SEC14L5: variants seen among roughly 807,000 people sequenced by gnomAD.
SEC14L5 encodes SEC14 like lipid binding 5.
A neutral mutation model predicts 84.6 loss-of-function variants in SEC14L5; 96 were observed. That is an observed-to-expected ratio of 1.13 (90% CI 0.96 to 1.34). The LOEUF (loss-of-function observed/expected upper bound fraction) is 1.34, where lower values mean the gene tolerates loss of function less well. Ranked by LOEUF, SEC14L5 falls within the 40% of genes most tolerant of loss-of-function variation. SEC14L5 has a pLI of 0.00. For synonymous variants in SEC14L5, 546 were observed against 383.4 expected, an observed-to-expected ratio of 1.42 and a Z score of -4.95; for missense variants, 1,224 against 942.5, an observed-to-expected ratio of 1.30 and a Z score of -3.91.
chr16:4,958,500 C>A (rs917000297), intron 1 of SEC14L5, 55 bp downstream of exon 1: 1 of 152,758 alleles, frequency 6.5e-6, no homozygotes, highest in Non-Finnish European at 1.5e-5. Context: ...CCGAGCCAGG[C>A]GGGCTTCCAG....
At chr16:4,990,560 A>G (rs1157182029) in intron 4 of SEC14L5, among the ~76,000 whole-genome samples, 2 of 152,252 alleles carry the variant, frequency 1.3e-5, no homozygotes, top group Non-Finnish European at 2.9e-5. Context: ...GCTTCTCATG[A>G]GAAGGCTTTT....
chr16:5,016,490 C>T lies in SEC14L5; in HGVS notation c.*1520C>T, dbSNP rs1256346257. 1.3e-5 allele frequency: 2 copies of T among 152,220 alleles called. No homozygotes were observed. The highest frequency in any genetic ancestry group is 1.5e-5 in the Non-Finnish European group (1 of 68,056). 9.4% of individuals were successfully genotyped at this position (152,220 alleles called of 1,614,324 possible). Reference sequence around the variant, plus strand: ...TGCATGAAGACAACACCTCTGCACCCCTGGATGTGGCCACGCCAGTCCCTA... The same window carrying T: ...TGCATGAAGACAACACCTCTGCACCTCTGGATGTGGCCACGCCAGTCCCTA... On this transcript the variant is annotated 3_prime_UTR_variant, in exon 16 of 16. Coordinates refer to ENST00000251170, the MANE Select transcript of SEC14L5 (RefSeq NM_014692.2).
intron 11 of SEC14L5, among the ~76,000 whole-genome samples, chr16:5,005,508 A>C (rs1955720523): frequency 6.6e-6 from 1 of 152,052 alleles, no homozygotes; most frequent in African/African-American, 2.4e-5. Flanking sequence ...ACTGAAAGCC[A>C]CTGAACTGTG....
chr16:4,966,466 G>T (rs182175397), intron 2 of SEC14L5, among the ~76,000 whole-genome samples: 1 of 151,292 alleles, frequency 6.6e-6, no homozygotes, highest in Non-Finnish European at 1.5e-5. Context: ...GTAGAGACAG[G>T]GTTTCATTAT....
chr16:5,015,606 C>T lies in SEC14L5; in HGVS notation c.*636C>T, dbSNP rs1955867716. On this transcript the variant is annotated 3_prime_UTR_variant, in exon 16 of 16. Transcript: ENST00000251170. ...TCACATGCACATCTCTGGAACCAACCACCTGCTCTCAAAAGCACTAGTGGG... is the reference window on the plus strand; with the variant it reads ...TCACATGCACATCTCTGGAACCAACTACCTGCTCTCAAAAGCACTAGTGGG... 1 of 152,800 alleles carries T rather than the reference C, an allele frequency of 6.5e-6. No homozygotes were observed. Among genetic ancestry groups the T allele is most frequent in the Non-Finnish European group, 1.5e-5 (1 of 68,444 alleles). 9.5% of individuals were successfully genotyped at this position (152,800 alleles called of 1,614,324 possible). A position where few individuals can be genotyped will look rare whatever the true frequency, so the allele number is the denominator to read the frequency against.
At chr16:4,991,020 C>A (rs1955548296) in intron 5 of SEC14L5, 125 bp downstream of exon 5, 5 of 694,064 alleles carry the variant, frequency 7.2e-6, no homozygotes. Context: ...TAAATGGGTA[C>A]TCTAGTAATG....
At chr16:4,988,458 AT>A (rs917129668) in intron 4 of SEC14L5, among the ~76,000 whole-genome samples, 178 bp downstream of exon 4, 1 of 152,150 alleles carries the variant, frequency 6.6e-6, no homozygotes, top group Non-Finnish European at 1.5e-5. Context: ...ACAACCCATA[AT>A]TTTTTTAGTA....
chr16:5,003,298 C>T, intron 10 of SEC14L5, 104 bp from the exon 11 acceptor site: 2 of 855,916 alleles, frequency 2.3e-6, no homozygotes, highest in Non-Finnish European at 3.7e-6. Context: ...CATCTGCTCC[C>T]AGCCCTATCT....
At chr16:5,002,252 A>T (rs1295885725) in intron 10 of SEC14L5, among the ~76,000 whole-genome samples, 1 of 151,764 alleles carries the variant, frequency 6.6e-6, no homozygotes, top group Non-Finnish European at 1.5e-5. Context: ...TTCAGCCCCA[A>T]ATATCCCGAT....
rs75221667 is a variant in SEC14L5 at position 4,993,708 on chromosome 16, T to A, written c.667+1678T>A. 9.3e-4 allele frequency among the ~76,000 whole-genome samples: 141 copies of A among 152,330 alleles called. 1 individual carries two copies. The East Asian group carries it at 0.026, about 28-fold the overall frequency. On this transcript the variant is annotated intron_variant, in intron 6 of 15. Transcript: ENST00000251170. ...AAAGCATAACATTTTAAAAGTGGAA[T>A]TGCTGGTTCAAAGTTTACATGCAAG...
chr16:4,965,780 G>A (rs1043034523), intron 2 of SEC14L5, among the ~76,000 whole-genome samples: 4 of 150,726 alleles, frequency 2.7e-5, no homozygotes, highest in African/African-American at 4.9e-5. Flanking sequence ...GGTGGCTCAC[G>A]CATGTAATCC....
chr16:5,009,004 T>A (rs145422462), intron 14 of SEC14L5, among the ~76,000 whole-genome samples: 181 of 152,278 alleles, frequency 1.2e-3, no homozygotes, highest in African/African-American at 4.1e-3. Context: ...TACCACAAAC[T>A]ACATGGCCTA....
chr16:4,974,164 T>C (rs1210219329), intron 2 of SEC14L5, among the ~76,000 whole-genome samples: 1 of 152,124 alleles, frequency 6.6e-6, no homozygotes, highest in Non-Finnish European at 1.5e-5. Flanking sequence ...GAATAGGTAT[T>C]GGTGATGGTT....
Position 4,996,335 on chromosome 16 carries a change from C to T in SEC14L5, c.668-13C>T, listed in dbSNP as rs760525168. On this transcript the variant is annotated splice_polypyrimidine_tract_variant and intron_variant, in intron 6 of 15. Transcript: ENST00000251170. ...TCTCCCTCTTGTCCTGAAGCTCCCC[C>T]TTCTCCTCCAAGGGGACAAGCTGGA... The T allele has an allele frequency of 4.7e-6, 7 of 1,501,896 alleles. No individual in the cohort carries two copies. Among genetic ancestry groups the T allele is most frequent in the Non-Finnish European group, 5.4e-6 (6 of 1,101,740 alleles). 93.0% of individuals were successfully genotyped at this position (1,501,896 alleles called of 1,614,324 possible).
intron 2 of SEC14L5, among the ~76,000 whole-genome samples, chr16:4,979,726 G>T (rs1285287734): frequency 1.6e-4 from 1 of 6,184 alleles, no homozygotes; most frequent in Admixed American, 3.3e-3. Flanking sequence ...TGCTTTTCTT[G>T]CTCCTGTCAT....
At chr16:4,963,554 C>T (rs1255709895) in intron 2 of SEC14L5, among the ~76,000 whole-genome samples, 1 of 152,242 alleles carries the variant, frequency 6.6e-6, no homozygotes, top group Non-Finnish European at 1.5e-5. Flanking sequence ...CCATGCTGGC[C>T]AGACTGGTCT....
At chr16:5,000,502 AAGC>A (rs1955662695) in intron 8 of SEC14L5, among the ~76,000 whole-genome samples, 150 bp from the exon 9 acceptor site, 1 of 152,166 alleles carries the variant, frequency 6.6e-6, no homozygotes, top group African/African-American at 2.4e-5. Flanking sequence ...CCCCTCTTGG[AAGC>A]AGGCAGGGTG....
At chr16:4,987,502 G>T (rs1057326572) in intron 2 of SEC14L5, 55 bp from the exon 3 acceptor site, 4 of 1,437,526 alleles carry the variant, frequency 2.8e-6, no homozygotes. Flanking sequence ...CGCGCTGGGG[G>T]GGGGGGTCCC....
intron 2 of SEC14L5, among the ~76,000 whole-genome samples, chr16:4,971,644 T>C (rs1467329775): frequency 6.6e-6 from 1 of 152,212 alleles, no homozygotes. Context: ...TCTCTGAAGG[T>C]AGAGCTTTGG....
Sources: gnomAD v4.1 joint callset for allele counts (sites outside exome capture counted in the v4.1 genomes callset) on GRCh38, gnomAD v4.1.1 for gene constraint, MANE v1.5 for transcripts, NCBI Gene and HGNC (gene_info 2026-07-23, HGNC 2026-07-21) for gene names.